SLC35F1: variants seen among roughly 807,000 people sequenced by gnomAD.
The protein encoded by SLC35F1 is chromosome 6 open reading frame 169.
Under a neutral mutation model 48.7 loss-of-function variants are expected in SLC35F1, and 14 were observed. That is an observed-to-expected ratio of 0.29 (90% CI 0.19 to 0.45). The LOEUF (loss-of-function observed/expected upper bound fraction) is 0.45. Ranked by LOEUF, SLC35F1 falls within the 20% of genes least tolerant of loss-of-function variation. The probability of loss-of-function intolerance (pLI) is 1.00; values close to 1 mark genes in which losing one functional copy is unlikely to be tolerated. For synonymous variants in SLC35F1, 190 were observed against 202.2 expected, an observed-to-expected ratio of 0.94 and a Z score of 0.51; for missense variants, 404 against 500.0, an observed-to-expected ratio of 0.81 and a Z score of 1.83.
intron 1 of SLC35F1, among the ~76,000 whole-genome samples, chr6:118,054,443 G>C (rs1241596941): frequency 1.3e-5 from 2 of 152,218 alleles, no homozygotes; most frequent in Admixed American, 6.5e-5. Flanking sequence ...TATTTACTTT[G>C]GGACAAAATA....
At chr6:117,918,365 ACTAGTCTTTGACAGGACTAGGACACTGT>A (rs1775853924) in intron 1 of SLC35F1, among the ~76,000 whole-genome samples, 2 of 152,222 alleles carry the variant, frequency 1.3e-5, no homozygotes, top group South Asian at 4.1e-4. Context: ...GTGGGGAGGA[ACTAGTCTTTGACAGGACTAGGACACTGT>A]CCATAGTACA....
rs551028664 is a variant in SLC35F1, at chr6:118,195,009, G to A, written c.349+40389G>A. Among the ~76,000 whole-genome samples the A allele has an allele frequency of 7.2e-5, 11 of 152,280 alleles. No homozygotes were observed. The South Asian group carries it at 2.3e-3, about 32-fold the overall frequency. On this transcript the variant is annotated intron_variant, in intron 2 of 7. Coordinates refer to ENST00000360388, the MANE Select transcript of SLC35F1 (RefSeq NM_001029858.4). Reference sequence around the variant, plus strand: ...ATTAACATTTTCCATTCCTGCCAGAGCAAAATGTGTGTGACAAAACATAGA... The same window carrying A: ...ATTAACATTTTCCATTCCTGCCAGAACAAAATGTGTGTGACAAAACATAGA...
chr6:117,924,081 G>T (rs1402772194), intron 1 of SLC35F1, among the ~76,000 whole-genome samples: 2 of 131,226 alleles, frequency 1.5e-5, no homozygotes, highest in Admixed American at 1.5e-4. Context: ...ACATGCATAT[G>T]TATATACACA....
intron 6 of SLC35F1, among the ~76,000 whole-genome samples, chr6:118,283,416 C>CA (rs1233658575): frequency 6.6e-6 from 1 of 152,180 alleles, no homozygotes; most frequent in Non-Finnish European, 1.5e-5. Context: ...TAGCCCACAG[C>CA]AGAGTGCTCA....
At chr6:118,039,466 CCTCT>C (rs1317756785) in intron 1 of SLC35F1, among the ~76,000 whole-genome samples, 1 of 151,708 alleles carries the variant, frequency 6.6e-6, no homozygotes, top group Middle Eastern at 3.2e-3. Flanking sequence ...CTTTCTCCTC[CCTCT>C]AATTAAAAAT....
intron 1 of SLC35F1, among the ~76,000 whole-genome samples, chr6:117,915,941 T>G (rs1775820633): frequency 6.6e-6 from 1 of 152,172 alleles, no homozygotes; most frequent in South Asian, 2.1e-4. Flanking sequence ...AAGATTTGAT[T>G]ATTTTTGAGA....
At chr6:118,076,259 C>A (rs1476695002) in intron 1 of SLC35F1, among the ~76,000 whole-genome samples, 1 of 152,134 alleles carries the variant, frequency 6.6e-6, no homozygotes, top group African/African-American at 2.4e-5. Flanking sequence ...CATTTAAATA[C>A]TTAATTTATT....
In SLC35F1 at chr6:118,142,487, T is replaced by C. The variant is rs575488722; in HGVS notation, c.174-11958T>C. On this transcript the variant is annotated intron_variant, in intron 1 of 7. Coordinates refer to ENST00000360388, the MANE Select transcript of SLC35F1 (RefSeq NM_001029858.4). ...GAAGCTTTTGAGATTTCCCACTTTA[T>C]GACATCCCTTTCTTCTAATTGCCTT... 4.6e-5 allele frequency among the ~76,000 whole-genome samples: 7 copies of C among 152,312 alleles called. No individual in the cohort carries two copies. The South Asian group carries it at 1.5e-3, about 32-fold the overall frequency.
intron 3 of SLC35F1, among the ~76,000 whole-genome samples, chr6:118,239,450 A>T (rs1775408142): frequency 6.6e-6 from 1 of 151,246 alleles, no homozygotes; most frequent in Non-Finnish European, 1.5e-5. Context: ...AATGGACCTA[A>T]GGGGGAAATG....
At chr6:118,143,864 C>T (rs1773929800) in intron 1 of SLC35F1, among the ~76,000 whole-genome samples, 1 of 152,258 alleles carries the variant, frequency 6.6e-6, no homozygotes, top group Non-Finnish European at 1.5e-5. Context: ...AAATGAGTCT[C>T]AGCTAGTTAG....
intron 1 of SLC35F1, among the ~76,000 whole-genome samples, chr6:118,084,607 A>G (rs1205140127): frequency 6.6e-6 from 1 of 152,078 alleles, no homozygotes; most frequent in African/African-American, 2.4e-5. Context: ...GTGTGCTTCA[A>G]AGCAATACTA....
rs577931936 is a variant in SLC35F1 at position 117,951,441 on chromosome 6, G to A, written c.173+43542G>A. 2.6e-5 allele frequency among the ~76,000 whole-genome samples: 4 copies of A among 152,184 alleles called. No homozygotes were observed. In the South Asian group the frequency reaches 8.3e-4, roughly 32 times the overall value. On this transcript the variant is annotated intron_variant, in intron 1 of 7. Coordinates refer to ENST00000360388, the MANE Select transcript of SLC35F1 (RefSeq NM_001029858.4). ...AAATTCAGCAGTGTGATTTTGTCTT[G>A]CCAAGAAAAAGAAACAAAATGAGAT... is the stretch of plus-strand genomic sequence containing the variant.
intron 1 of SLC35F1, among the ~76,000 whole-genome samples, chr6:118,012,489 A>G (rs561362136): frequency 1.3e-5 from 2 of 152,288 alleles, no homozygotes; most frequent in Non-Finnish European, 2.9e-5. Flanking sequence ...CTGAGATGCC[A>G]TGCTTTGAGA....
At chr6:118,144,517 C>A (rs943164765) in intron 1 of SLC35F1, among the ~76,000 whole-genome samples, 1 of 150,122 alleles carries the variant, frequency 6.7e-6, no homozygotes, top group African/African-American at 2.5e-5. Context: ...TTGATAGGTG[C>A]AGCAAACCAC....
At chr6:118,089,729 A>G (rs1017308712) in intron 1 of SLC35F1, among the ~76,000 whole-genome samples, 2 of 152,162 alleles carry the variant, frequency 1.3e-5, no homozygotes, top group Non-Finnish European at 2.9e-5. Flanking sequence ...TTGTCAGCAA[A>G]TGTCATCTCT....
At chr6:118,005,029 T>C (rs1312352590) in intron 1 of SLC35F1, among the ~76,000 whole-genome samples, 1 of 151,994 alleles carries the variant, frequency 6.6e-6, no homozygotes. Context: ...CATGCTAGGA[T>C]ATGAAAAGGA....
chr6:118,309,871 C>A (rs1776353374), intron 7 of SLC35F1, among the ~76,000 whole-genome samples: 1 of 152,188 alleles, frequency 6.6e-6, no homozygotes, highest in African/African-American at 2.4e-5. Flanking sequence ...TATTATCCAT[C>A]CTCCAAGCCA....
intron 3 of SLC35F1, among the ~76,000 whole-genome samples, chr6:118,261,500 G>A (rs915065828): frequency 8.5e-5 from 13 of 152,208 alleles, no homozygotes; most frequent in Non-Finnish European, 1.5e-4. Context: ...AAAGTGCACA[G>A]TGTCAGAGTA....
At chr6:118,220,142 T>C (rs1162233113) in intron 2 of SLC35F1, among the ~76,000 whole-genome samples, 1 of 152,146 alleles carries the variant, frequency 6.6e-6, no homozygotes, top group Non-Finnish European at 1.5e-5. Flanking sequence ...GTTGTGCACA[T>C]GTACCCTAGA....
Sources: gnomAD v4.1 joint callset for allele counts (sites outside exome capture counted in the v4.1 genomes callset) on GRCh38, gnomAD v4.1.1 for gene constraint, MANE v1.5 for transcripts, NCBI Gene and HGNC (gene_info 2026-07-23, HGNC 2026-07-21) for gene names.